Variants in PTPRG observed in about 807,000 individuals in gnomAD.
The protein encoded by PTPRG is protein tyrosine phosphatase receptor type G.
PTPRG carries 102 observed loss-of-function variants against 165.3 expected under a neutral mutation model. The observed-to-expected ratio is 0.62, with a 90% CI of 0.53 to 0.73. The LOEUF is 0.73. Ranked by LOEUF, PTPRG falls within the 30% of genes least tolerant of loss-of-function variation. The pLI is 0.00. For missense variants in PTPRG, 1,866 were observed against 1,861.4 expected (o/e 1.00, Z -0.05); for synonymous variants, 675 against 669.5 (o/e 1.01, Z -0.13).
At chr3:61,689,718 T>C (rs1421260002) in intron 1 of PTPRG, among the ~76,000 whole-genome samples, 1 of 152,174 alleles carries the variant, frequency 6.6e-6, no homozygotes, top group African/African-American at 2.4e-5. Context: ...GTCTTTATAT[T>C]TATTGGTGGT....
intron 2 of PTPRG, among the ~76,000 whole-genome samples, chr3:61,974,645 C>A (rs191738323): frequency 2.0e-5 from 3 of 152,206 alleles, no homozygotes; most frequent in Non-Finnish European, 2.9e-5. Flanking sequence ...ATTGCTTACT[C>A]ACTTAATTTC....
At position 61,591,652 on chromosome 3, in the gene PTPRG, T is replaced by C. The variant is rs534096531; in HGVS notation, c.85+29280T>C. Among the ~76,000 whole-genome samples the C allele has an allele frequency of 1.7e-3, 259 of 152,256 alleles. 1 individual carries two copies. Among genetic ancestry groups the C allele is most frequent in the Non-Finnish European group, 2.9e-3 (196 of 67,998 alleles). ...AGGGCAGTGAGGTGTGTAGAGGAAC[T>C]AGAGAGAATCCTGTAGACCTCAGGT... is the stretch of plus-strand genomic sequence containing the variant. On this transcript the variant is annotated intron_variant, in intron 1 of 29. Coordinates refer to ENST00000474889, the MANE Select transcript of PTPRG (RefSeq NM_002841.4).
chr3:61,940,606 T>C (rs2039597033), intron 2 of PTPRG, among the ~76,000 whole-genome samples: 1 of 152,140 alleles, frequency 6.6e-6, no homozygotes, highest in Non-Finnish European at 1.5e-5. Flanking sequence ...CTCAAGGGGA[T>C]TTTATTCTGG....
chr3:62,148,373 C>T (rs1704201207), intron 6 of PTPRG, among the ~76,000 whole-genome samples: 2 of 152,050 alleles, frequency 1.3e-5, no homozygotes, highest in Non-Finnish European at 2.9e-5. Context: ...GGCCCCATGG[C>T]CACCATAAGG....
rs939967385 is a variant in PTPRG, at chr3:62,111,602, A to G, written c.616-21000A>G. 5.4e-4 allele frequency among the ~76,000 whole-genome samples: 82 copies of G among 152,196 alleles called. 1 individual carries two copies. The highest frequency in any genetic ancestry group is 2.5e-4 in the Non-Finnish European group (17 of 68,010). On this transcript the variant is annotated intron_variant, in intron 5 of 29. Transcript: ENST00000474889. ...GTAGCTGAGACTACAGGCACGCATC[A>G]CCAAGCCTGGCTATTTTCAAATTTT... is the stretch of plus-strand genomic sequence containing the variant.
chr3:61,912,185 G>A (rs77360855), intron 2 of PTPRG, among the ~76,000 whole-genome samples: 1,799 of 152,126 alleles, frequency 0.012, 39 homozygotes, highest in African/African-American at 0.041. Flanking sequence ...ATGCGCAACA[G>A]TATAGTCAGC....
intron 2 of PTPRG, among the ~76,000 whole-genome samples, chr3:61,823,804 A>G (rs925864816): frequency 5.3e-5 from 8 of 152,168 alleles, no homozygotes; most frequent in Non-Finnish European, 8.8e-5. Context: ...CTGTCCAGCA[A>G]ATATACTGAT....
At chr3:62,079,346 G>A (rs1426263913) in intron 5 of PTPRG, among the ~76,000 whole-genome samples, 1 of 152,176 alleles carries the variant, frequency 6.6e-6, no homozygotes, top group Non-Finnish European at 1.5e-5. Flanking sequence ...GTTGCCATTG[G>A]TGATTATGGC....
chr3:61,696,662 A>T (rs1027592987), intron 1 of PTPRG, among the ~76,000 whole-genome samples: 4 of 152,204 alleles, frequency 2.6e-5, no homozygotes, highest in Non-Finnish European at 4.4e-5. Context: ...AGGTGCATGG[A>T]GGAGCAGGTA....
chr3:62,242,134 T>A (rs1348286777), intron 14 of PTPRG, among the ~76,000 whole-genome samples: 1 of 152,212 alleles, frequency 6.6e-6, no homozygotes, highest in Non-Finnish European at 1.5e-5. Flanking sequence ...TCACATAGAT[T>A]TCCATTGCTT....
intron 2 of PTPRG, among the ~76,000 whole-genome samples, chr3:61,830,304 C>G (rs2036238722): frequency 6.6e-6 from 1 of 152,182 alleles, no homozygotes; most frequent in South Asian, 2.1e-4. Context: ...TGTGAACTGT[C>G]TTACTCTGTT....
chr3:61,802,881 C>G (rs959441356), intron 2 of PTPRG, among the ~76,000 whole-genome samples: 4 of 152,150 alleles, frequency 2.6e-5, no homozygotes, highest in African/African-American at 9.7e-5. Flanking sequence ...GCAAAACCCA[C>G]GCTGGATGCA....
At chr3:62,034,800 C>G (rs1284339596) in intron 4 of PTPRG, among the ~76,000 whole-genome samples, 1 of 152,124 alleles carries the variant, frequency 6.6e-6, no homozygotes, top group African/African-American at 2.4e-5. Context: ...GATGAGTTTT[C>G]TGTATCTTTC....
intron 2 of PTPRG, among the ~76,000 whole-genome samples, chr3:61,808,498 T>C (rs1291142343): frequency 6.6e-6 from 1 of 152,154 alleles, no homozygotes; most frequent in Non-Finnish European, 1.5e-5. Flanking sequence ...AAAGAAGTTA[T>C]CAACCTCATC....
chr3:62,225,376 A>G lies in PTPRG; in HGVS notation c.2289-5849A>G, dbSNP rs997697478. 1.1e-4 allele frequency among the ~76,000 whole-genome samples: 16 copies of G among 152,304 alleles called. No individual in the cohort carries two copies. The East Asian group carries it at 2.7e-3, about 26-fold the overall frequency. On this transcript the variant is annotated intron_variant, in intron 13 of 29. Transcript: ENST00000474889. ...TGAGGTTAATGCTGGGAGAGGAGCT[A>G]TGGGAGAGGAGCTATGTGCCCGGTG...
At chr3:62,031,738 T>A (rs1210007870) in intron 4 of PTPRG, among the ~76,000 whole-genome samples, 1 of 152,094 alleles carries the variant, frequency 6.6e-6, no homozygotes, top group Non-Finnish European at 1.5e-5. Flanking sequence ...GTGGACTGAT[T>A]TAAGGGATGT....
chr3:62,024,965 G>A (rs765400389), intron 4 of PTPRG, among the ~76,000 whole-genome samples: 2 of 152,136 alleles, frequency 1.3e-5, no homozygotes, highest in Admixed American at 1.3e-4. Context: ...CCTCTGTTGT[G>A]TCGACCTAAC....
In PTPRG at chr3:62,108,680, A is replaced by G. The variant is rs1702560709; in HGVS notation, c.616-23922A>G. 2.0e-5 allele frequency among the ~76,000 whole-genome samples: 3 copies of G among 152,208 alleles called. No individual in the cohort carries two copies. In the South Asian group the frequency reaches 6.2e-4, roughly 32 times the overall value. ...CCTCCAACAGTGTAAAAGCGTTCCT[A>G]TTTCTCCACATCCTCTCCAGCATCT... On this transcript the variant is annotated intron_variant, in intron 5 of 29. Transcript: ENST00000474889.
chr3:61,865,191 G>T (rs1457249370), intron 2 of PTPRG, among the ~76,000 whole-genome samples: 3 of 152,102 alleles, frequency 2.0e-5, no homozygotes, highest in Non-Finnish European at 4.4e-5. Context: ...TATTTGTGGG[G>T]TTAATACTGG....
Sources: allele counts gnomAD v4.1 joint callset (sites outside exome capture counted in the v4.1 genomes callset), GRCh38; gene constraint gnomAD v4.1.1; transcripts MANE v1.5; gene names NCBI Gene and HGNC (gene_info 2026-07-23, HGNC 2026-07-21).